Variants in POLE observed in about 807,000 individuals in gnomAD.
POLE encodes DNA polymerase epsilon catalytic subunit A.
Under a neutral mutation model 279.2 loss-of-function variants are expected in POLE, and 188 were observed. That is an observed-to-expected ratio of 0.67 (90% CI 0.60 to 0.76). POLE has a LOEUF of 0.76. Ranked by LOEUF, POLE falls within the 30% of genes least tolerant of loss-of-function variation. POLE has a pLI of 0.00. For synonymous variants in POLE, 1,214 were observed against 1,172.5 expected, an observed-to-expected ratio of 1.04 and a Z score of -0.72; for missense variants, 2,703 against 3,016.7, an observed-to-expected ratio of 0.90 and a Z score of 2.44.
chr12:132,649,880 C>CCT lies in POLE; in HGVS notation c.3591_3592insAG (p.Ala1198ArgfsTer22). 6.2e-7 allele frequency: 1 copy of CCT among 1,613,698 alleles called. No individual in the cohort carries two copies. On this transcript the variant is annotated frameshift_variant, in exon 30 of 49. Transcript: ENST00000320574. LOFTEE classifies it high-confidence loss of function. ...CTCGGACTGTCTTCTGAGGCCTCGG[C>CCT]CATCGTGACCTGGAAAGACCCAGTG...
chr12:132,680,420 A>T (rs1400000602), intron 3 of POLE, 187 bp downstream of exon 3: 1 of 667,958 alleles, frequency 1.5e-6, no homozygotes, highest in African/African-American at 1.8e-5. Context: ...CTCACCATTC[A>T]GAGTCTTCCT....
At position 132,659,301 on chromosome 12, in the gene POLE, G is replaced by C. The variant is rs1030360914; in HGVS notation, c.3269C>G (p.Thr1090Arg). 1.2e-6 allele frequency: 2 copies of C among 1,613,834 alleles called. No homozygotes were observed. ...TGATGGGGGGAGCCCTCACCTCTCCGTGACAGGGGAGCCCTCGGGCTTGCG... is the reference window on the plus strand; with the variant it reads ...TGATGGGGGGAGCCCTCACCTCTCCCTGACAGGGGAGCCCTCGGGCTTGCG... The part of the protein sequence containing the change: ...ISRKPEGSPV[T>R]ERAIPLAIFQ... The change falls in exon 26 of 49, where the codon ACG (threonine) becomes AGG (arginine). Residue 1090 changes from threonine to arginine, a missense_variant. Physicochemically the swap from Thr to Arg is moderately conservative, Grantham distance 71. Around this residue, in one of 5 missense-constraint regions of POLE, gnomAD observed 1,551 missense variants for 1,686.1 expected, o/e 0.92. Transcript: ENST00000320574.
intron 28 of POLE, 35 bp from the exon 29 acceptor site, chr12:132,657,293 T>C (rs530091115): frequency 1.9e-6 from 3 of 1,614,076 alleles, no homozygotes; most frequent in Non-Finnish European, 2.5e-6. Flanking sequence ...AGAGAGACCC[T>C]TGTCTAACTG....
chr12:132,680,206 T>C lies in POLE; in HGVS notation c.302A>G (p.Lys101Arg), dbSNP rs1016258970. Residue 101 changes from lysine (K) to arginine (R), a missense_variant, in exon 4 of 49, where the codon AAA becomes AGA. Coordinates refer to ENST00000320574, the MANE Select transcript of POLE (RefSeq NM_006231.4). Reference protein sequence around the residue: ...GSRFKVALPYKPYFYIATRKG... With the variant: ...GSRFKVALPYRPYFYIATRKG... ...TCTGGTCGCAATGTAGAAATACGGT[T>C]TATAGGGCAAAGCCACCTGTTAAGA... 4 of 1,614,022 alleles carry C rather than the reference T, an allele frequency of 2.5e-6. No homozygotes were observed. The African/African-American group carries it at 5.3e-5, about 22-fold the overall frequency.
At chr12:132,625,313 A>AGC (rs754684368) in intron 47 of POLE, 1 of 725,070 alleles carries the variant, frequency 1.4e-6, no homozygotes. Flanking sequence ...CGCGTCCCCC[A>AGC]GCCTCTGCTC....
At chr12:132,653,707 G>C (rs894987851) in intron 29 of POLE, among the ~76,000 whole-genome samples, 1 of 152,072 alleles carries the variant, frequency 6.6e-6, no homozygotes, top group Non-Finnish European at 1.5e-5. Flanking sequence ...AAACTGTTTT[G>C]AACAGAAGCA....
intron 16 of POLE, among the ~76,000 whole-genome samples, chr12:132,670,850 A>G (rs1394608958): frequency 6.6e-6 from 1 of 152,222 alleles, no homozygotes; most frequent in Non-Finnish European, 1.5e-5. Flanking sequence ...TGATCGGTTC[A>G]TAAGAGTTCC....
rs1355270758 is a variant in POLE at position 132,642,573 on chromosome 12, C to A, written c.4885G>T (p.Ala1629Ser). 1 of 1,613,538 alleles carries A rather than the reference C, an allele frequency of 6.2e-7. No individual in the cohort carries two copies. The highest frequency in any genetic ancestry group is 8.5e-7 in the Non-Finnish European group (1 of 1,180,030). ...YGVLDWQRHG[A>S]RRMIRHYLNL... ...AGGTAGTGACGGATCATGCGCCGGG[C>A]TCCATGGCGCTGCCAGTCCAGGACC... The change falls in exon 37 of 49, where the codon GCC (alanine) becomes TCC (serine). Residue 1629 changes from alanine (A) to serine (S), a missense_variant. This residue lies in a region of POLE where 1,551 missense variants were observed against 1,686.1 expected (regional missense o/e 0.92). Coordinates refer to ENST00000320574, the MANE Select transcript of POLE (RefSeq NM_006231.4).
At chr12:132,686,782 T>A (rs1304348583) in intron 1 of POLE, among the ~76,000 whole-genome samples, 1 of 152,078 alleles carries the variant, frequency 6.6e-6, no homozygotes, top group Non-Finnish European at 1.5e-5. Context: ...TAGCCCAGGC[T>A]GATCTAGAAC....
chr12:132,623,875 G>A lies in POLE; in HGVS notation c.*822C>T, dbSNP rs1360281138. 4 of 193,726 alleles carry A rather than the reference G, an allele frequency of 2.1e-5. No homozygotes were observed. Among genetic ancestry groups the A allele is most frequent in the Non-Finnish European group, 4.3e-5 (4 of 92,988 alleles). 12.0% of individuals were successfully genotyped at this position (193,726 alleles called of 1,614,324 possible). A position where few individuals can be genotyped will look rare whatever the true frequency, so the allele number is the denominator to read the frequency against. On this transcript the variant is annotated 3_prime_UTR_variant, in exon 49 of 49. Transcript: ENST00000320574. ...TGGGCCAAAGACACGAGCCTCCTGG[G>A]GAGCCTGTGGGGCCCCCTCCCTCCT...
chr12:132,655,713 C>G (rs990718522), intron 29 of POLE, among the ~76,000 whole-genome samples: 1 of 152,134 alleles, frequency 6.6e-6, no homozygotes, highest in South Asian at 2.1e-4. Context: ...TAACAATAGT[C>G]CTTATGTTTC....
chr12:132,639,412 C>T lies in POLE; in HGVS notation c.5379-114G>A, dbSNP rs538640241. 1.6e-4 allele frequency: 148 copies of T among 923,228 alleles called. 2 individuals are homozygous for T. The South Asian group carries it at 2.0e-3, about 12-fold the overall frequency. The allele number at this position is 923,228 out of a possible 1,614,324, so 57.2% of individuals were successfully genotyped here. On this transcript the variant is annotated intron_variant, in intron 39 of 48. Transcript: ENST00000320574. The surrounding 1 kb of genome is among the most constrained non-coding windows in gnomAD (Gnocchi z 4.7). ...TTCCCTACACGGCTGGGTCCAAATC[C>T]GTCACTGTCGCCTCCCCTTCTCACT...
rs1052992965 is a variant in POLE, at chr12:132,661,706, G to T, written c.2707-22C>A. The T allele has an allele frequency of 1.6e-5, 26 of 1,612,198 alleles. No homozygotes were observed. The highest frequency in any genetic ancestry group is 2.1e-5 in the Non-Finnish European group (25 of 1,179,092). On this transcript the variant is annotated intron_variant, in intron 23 of 48. Transcript: ENST00000320574. The surrounding 1 kb of genome is among the most constrained non-coding windows in gnomAD (Gnocchi z 4.1). Reference sequence around the variant, plus strand: ...CTTCCTGAGAAACAAGAGTGAAGAGGGGGCAGCTTCACTCATGATGGCCCA... The same window carrying T: ...CTTCCTGAGAAACAAGAGTGAAGAGTGGGCAGCTTCACTCATGATGGCCCA...
intron 38 of POLE, 75 bp downstream of exon 38, chr12:132,642,102 T>A (rs1263763896): frequency 7.7e-7 from 1 of 1,295,518 alleles, no homozygotes; most frequent in African/African-American, 1.5e-5. Context: ...CTCGGCACTA[T>A]TGCCTTGAGA....
chr12:132,647,982 T>C (rs1270169308), intron 32 of POLE, among the ~76,000 whole-genome samples: 3 of 152,134 alleles, frequency 2.0e-5, no homozygotes, highest in South Asian at 2.1e-4. Flanking sequence ...AAAACCTCCT[T>C]GTGTAGGTAC....
At chr12:132,636,151 C>G in intron 41 of POLE, 127 bp from the exon 42 acceptor site, 1 of 998,188 alleles carries the variant, frequency 1.0e-6, no homozygotes, top group Non-Finnish European at 1.4e-6. Flanking sequence ...TTCATTCAGA[C>G]CACATCATCC....
chr12:132,656,917 G>A (rs1003088031), intron 29 of POLE, among the ~76,000 whole-genome samples: 44 of 152,216 alleles, frequency 2.9e-4, no homozygotes, highest in African/African-American at 1.0e-3. Context: ...TAAGGAGACA[G>A]TTCCTTGCCC....
chr12:132,682,959 A>AC, intron 1 of POLE, among the ~76,000 whole-genome samples: 1 of 152,248 alleles, frequency 6.6e-6, no homozygotes, highest in East Asian at 1.9e-4. Context: ...TCTAAAAAAA[A>AC]AATAAAATAA....
rs2042856353 is a variant in POLE, at chr12:132,668,761, A to C, written c.1924-24T>G. On this transcript the variant is annotated intron_variant, in intron 17 of 48. Coordinates refer to ENST00000320574, the MANE Select transcript of POLE (RefSeq NM_006231.4). This position sits in a 1 kb window ranked among gnomAD's most constrained non-coding sequence, Gnocchi z 4.0. ...GGCTGGGAGGGGTGAGAAAGCACTT[A>C]GGGCTGGGCAGAGAGAGCTCCGACT... is the stretch of plus-strand genomic sequence containing the variant. 1.2e-6 allele frequency: 2 copies of C among 1,613,784 alleles called. No individual in the cohort carries two copies. Among genetic ancestry groups the C allele is most frequent in the Non-Finnish European group, 1.7e-6 (2 of 1,179,676 alleles).
Sources: allele counts gnomAD v4.1 joint callset (sites outside exome capture counted in the v4.1 genomes callset), GRCh38; gene constraint gnomAD v4.1.1; regional missense constraint gnomAD v4.1.1; non-coding constraint Gnocchi (gnomAD v3.1); transcripts MANE v1.5; gene names NCBI Gene and HGNC (gene_info 2026-07-23, HGNC 2026-07-21).